The following LRRC37A2 variants were observed in gnomAD, a reference collection of about 807,000 sequenced individuals.
The protein encoded by LRRC37A2 is leucine rich repeat containing 37 member A2.
Under a neutral mutation model 68.8 loss-of-function variants are expected in LRRC37A2, and 9 were observed. The ratio of observed to expected loss-of-function variants is 0.13; its 90% CI spans 0.08 to 0.23. The LOEUF (loss-of-function observed/expected upper bound fraction) is 0.23, where lower values mean the gene tolerates loss of function less well. Among genes scored for constraint, LRRC37A2 ranks in the 10% least tolerant of loss-of-function variants. The pLI is 1.00. For missense variants in LRRC37A2, 168 were observed against 950.4 expected, an observed-to-expected ratio of 0.18 and a Z score of 10.82; for synonymous variants, 63 against 367.6, an observed-to-expected ratio of 0.17 and a Z score of 9.48.
At chr17:46,892,120 C>T in the LRRC37A2 span, among the ~76,000 whole-genome samples, 5 of 151,650 alleles carry the variant, frequency 3.3e-5, no homozygotes, top group South Asian at 2.1e-4. Flanking sequence ...GGTTTCACCA[C>T]GTTGGCCAGA....
the LRRC37A2 span, chr17:46,408,920 T>C: frequency 2.7e-5 from 3 of 112,630 alleles, no homozygotes; most frequent in East Asian, 3.0e-4. Flanking sequence ...AAGACACAGA[T>C]AGTGTCGTTT....
At chr17:46,713,769 G>A in the LRRC37A2 span, 2 of 1,361,256 alleles carry the variant, frequency 1.5e-6, no homozygotes, top group African/African-American at 1.5e-5. Context: ...ACCTCAGTAT[G>A]TTCTGGATAA....
the LRRC37A2 span, chr17:46,728,816 T>G: frequency 7.3e-7 from 1 of 1,370,580 alleles, no homozygotes; most frequent in Non-Finnish European, 1.0e-6. Context: ...TATGTACATG[T>G]GTATCAAATC....
At chr17:46,869,371 G>A in the LRRC37A2 span, among the ~76,000 whole-genome samples, 2 of 152,188 alleles carry the variant, frequency 1.3e-5, 1 homozygote, top group South Asian at 4.1e-4. Flanking sequence ...CACCGTTTGA[G>A]ACCCATTGCT....
At chr17:46,944,646 C>G in the LRRC37A2 span, among the ~76,000 whole-genome samples, 1 of 150,688 alleles carries the variant, frequency 6.6e-6, no homozygotes, top group African/African-American at 2.4e-5. Context: ...GTTGCCCAGG[C>G]TGGGGTGCAA....
the LRRC37A2 span, among the ~76,000 whole-genome samples, chr17:46,942,380 A>G: frequency 6.6e-6 from 1 of 152,194 alleles, no homozygotes; most frequent in Non-Finnish European, 1.5e-5. Flanking sequence ...TCCATCATTT[A>G]TCCTCATTAT....
Position 46,532,041 on chromosome 17 carries a change from G to A in LRRC37A2, c.2907-8135G>A, listed in dbSNP as rs1160284535. Among the ~76,000 whole-genome samples, 23 of 150,152 alleles carry A rather than the reference G, an allele frequency of 1.5e-4. 1 individual carries two copies. Among genetic ancestry groups the A allele is most frequent in the South Asian group, 8.4e-4 (4 of 4,760 alleles). ...TTTTGCACATAGATGTTCAGGTGAC[G>A]CCATTACACTCAAGCCTGGGCAACA... On this transcript the variant is annotated intron_variant, in intron 6 of 14. Transcript: ENST00000576629.
the LRRC37A2 span, among the ~76,000 whole-genome samples, chr17:47,036,256 A>G: frequency 2.6e-5 from 4 of 152,112 alleles, no homozygotes; most frequent in African/African-American, 9.7e-5. Flanking sequence ...AAAAAGGTTC[A>G]GTGTTTGGTT....
the LRRC37A2 span, among the ~76,000 whole-genome samples, chr17:46,891,918 C>CTTTTTTTT: frequency 8.4e-5 from 6 of 71,812 alleles, no homozygotes; most frequent in African/African-American, 1.6e-4. Flanking sequence ...CTTTTCTTTT[C>CTTTTTTTT]TTTTTTTTTT....
the LRRC37A2 span, among the ~76,000 whole-genome samples, chr17:46,848,015 AGAG>A: frequency 1.3e-5 from 2 of 150,366 alleles, no homozygotes; most frequent in South Asian, 4.2e-4. Flanking sequence ...TGTGTGCACA[AGAG>A]GAGGAGAGGG....
the LRRC37A2 span, chr17:46,714,028 A>ATG: frequency 2.0e-5 from 32 of 1,576,950 alleles, no homozygotes; most frequent in African/African-American, 8.2e-5. Context: ...TATCTCTTAA[A>ATG]TGTGTGTGTG....
At chr17:47,024,065 C>G in the LRRC37A2 span, among the ~76,000 whole-genome samples, 2 of 152,086 alleles carry the variant, frequency 1.3e-5, no homozygotes, top group African/African-American at 4.8e-5. Flanking sequence ...AATTATTAAA[C>G]TGAATATTTG....
chr17:47,009,287 TGTTA>T, the LRRC37A2 span, among the ~76,000 whole-genome samples: 5 of 152,220 alleles, frequency 3.3e-5, no homozygotes, highest in African/African-American at 1.2e-4. Context: ...TTTAACACCC[TGTTA>T]GTTTAATTTA....
At chr17:46,742,956 C>T in the LRRC37A2 span, among the ~76,000 whole-genome samples, 3 of 152,152 alleles carry the variant, frequency 2.0e-5, no homozygotes, top group Non-Finnish European at 4.4e-5. Flanking sequence ...GACCAAAGGA[C>T]CTCTACCAGG....
the LRRC37A2 span, among the ~76,000 whole-genome samples, chr17:46,382,005 A>T: frequency 8.0e-6 from 1 of 125,366 alleles, no homozygotes; most frequent in Non-Finnish European, 1.8e-5. Flanking sequence ...ACAGCTGGGC[A>T]TGGTGGCTCA....
the LRRC37A2 span, among the ~76,000 whole-genome samples, chr17:46,569,073 G>A: frequency 1.3e-4 from 19 of 144,256 alleles, no homozygotes; most frequent in Middle Eastern, 3.3e-3. Context: ...CTCCCGAGTA[G>A]CTGGGATTAC....
At chr17:46,473,915 C>T in the LRRC37A2 span, among the ~76,000 whole-genome samples, 1 of 106,722 alleles carries the variant, frequency 9.4e-6, no homozygotes, top group African/African-American at 3.3e-5. Context: ...AACAAAACAA[C>T]GATTATATCC....
chr17:46,438,332 T>A, the LRRC37A2 span, among the ~76,000 whole-genome samples: 4 of 75,454 alleles, frequency 5.3e-5, no homozygotes, highest in African/African-American at 3.8e-5. Context: ...TATCTAGAAA[T>A]GAATCTTTAA....
chr17:46,894,943 C>T, the LRRC37A2 span, among the ~76,000 whole-genome samples: 3 of 152,224 alleles, frequency 2.0e-5, no homozygotes, highest in Non-Finnish European at 4.4e-5. Context: ...CGGGGCCTCC[C>T]GGGCAGGGGC....
Sources: allele counts gnomAD v4.1 joint callset (sites outside exome capture counted in the v4.1 genomes callset), GRCh38; gene constraint gnomAD v4.1.1; transcripts MANE v1.5; gene names NCBI Gene and HGNC (gene_info 2026-07-23, HGNC 2026-07-21).